The following ADAMTSL1 variants were observed in gnomAD, a reference collection of about 807,000 sequenced individuals.
The protein encoded by ADAMTSL1 is ADAMTS like 1.
Under a neutral mutation model 201.8 loss-of-function variants are expected in ADAMTSL1, and 126 were observed. The observed-to-expected ratio is 0.62, with a 90% CI of 0.54 to 0.72. The LOEUF (loss-of-function observed/expected upper bound fraction) is 0.72. Ranked by LOEUF, ADAMTSL1 falls within the 30% of genes least tolerant of loss-of-function variation. The pLI is 0.00. For missense variants in ADAMTSL1, 2,679 were observed against 2,277.8 expected (o/e 1.18, Z -3.59); for synonymous variants, 1,121 against 903.4 (o/e 1.24, Z -4.32).
At chr9:18,618,632 A>G (rs900477396) in intron 4 of ADAMTSL1, among the ~76,000 whole-genome samples, 1 of 151,426 alleles carries the variant, frequency 6.6e-6, no homozygotes, top group South Asian at 2.1e-4. Context: ...AGGAAACAGG[A>G]TCTTTCTCTC....
chr9:18,089,789 A>C (rs1823927846), intron 1 of ADAMTSL1, among the ~76,000 whole-genome samples: 1 of 152,214 alleles, frequency 6.6e-6, no homozygotes, highest in African/African-American at 2.4e-5. Context: ...TTGATAGAAT[A>C]TACTTTCAGT....
chr9:18,085,648 A>C (rs1384791210), intron 1 of ADAMTSL1, among the ~76,000 whole-genome samples: 1 of 145,796 alleles, frequency 6.9e-6, no homozygotes, highest in South Asian at 2.1e-4. Flanking sequence ...ATATATATAC[A>C]TATACTCTGT....
chr9:18,452,456 A>G (rs1411172049), intron 2 of ADAMTSL1, among the ~76,000 whole-genome samples: 1 of 152,162 alleles, frequency 6.6e-6, no homozygotes, highest in African/African-American at 2.4e-5. Context: ...CATTCATTCC[A>G]TTCCAATAGT....
intron 13 of ADAMTSL1, among the ~76,000 whole-genome samples, chr9:18,695,695 CA>C (rs1831509795): frequency 6.6e-6 from 1 of 152,182 alleles, no homozygotes; most frequent in African/African-American, 2.4e-5. Context: ...TAGGAAATTC[CA>C]AAGTTTCCCT....
At chr9:18,154,431 G>A (rs1827057076) in intron 1 of ADAMTSL1, among the ~76,000 whole-genome samples, 1 of 151,992 alleles carries the variant, frequency 6.6e-6, no homozygotes. Flanking sequence ...CACAGCTAGA[G>A]GCTGGGTTCA....
At chr9:18,596,907 G>A (rs1034060997) in intron 4 of ADAMTSL1, among the ~76,000 whole-genome samples, 1 of 152,290 alleles carries the variant, frequency 6.6e-6, no homozygotes, top group African/African-American at 2.4e-5. Context: ...AGGAACTCAT[G>A]TAAGTCCTTC....
rs1588093120 is a variant in ADAMTSL1, at chr9:18,777,967, C to T, written c.3677+61C>T. On this transcript the variant is annotated intron_variant, in intron 19 of 28. Transcript: ENST00000380548. ...GCAAGGGGCCACATCTGGCCCAAGT[C>T]ACACTACTTACACATTCTTCAAGGT... 4 of 1,508,808 alleles carry T rather than the reference C, an allele frequency of 2.7e-6. No homozygotes were observed. In the East Asian group the frequency reaches 6.9e-5, roughly 26 times the overall value. 93.5% of individuals were successfully genotyped at this position (1,508,808 alleles called of 1,614,324 possible).
At chr9:18,531,575 C>T (rs1819448825) in intron 2 of ADAMTSL1, among the ~76,000 whole-genome samples, 1 of 152,030 alleles carries the variant, frequency 6.6e-6, no homozygotes, top group Non-Finnish European at 1.5e-5. Flanking sequence ...GAATGGGACC[C>T]TTTCTATATT....
intron 1 of ADAMTSL1, among the ~76,000 whole-genome samples, chr9:18,160,346 G>A (rs896881350): frequency 3.9e-5 from 6 of 152,114 alleles, no homozygotes; most frequent in African/African-American, 1.4e-4. Flanking sequence ...CCCTATTCCT[G>A]CGAGTGAATA....
chr9:18,794,464 G>C (rs1309645911), intron 19 of ADAMTSL1, among the ~76,000 whole-genome samples: 1 of 150,746 alleles, frequency 6.6e-6, no homozygotes, highest in Non-Finnish European at 1.5e-5. Context: ...TGCCCCATAA[G>C]ATTTACAGCT....
chr9:18,566,062 A>C (rs1212791119), intron 3 of ADAMTSL1, among the ~76,000 whole-genome samples: 1 of 152,218 alleles, frequency 6.6e-6, no homozygotes, highest in Non-Finnish European at 1.5e-5. Context: ...CAGTCTGCCT[A>C]TTCAGAAACT....
chr9:18,734,816 A>G (rs940510652), intron 15 of ADAMTSL1, among the ~76,000 whole-genome samples: 2 of 152,130 alleles, frequency 1.3e-5, no homozygotes, highest in Non-Finnish European at 2.9e-5. Context: ...CAGAGTCCCA[A>G]TCCAGGCTTT....
At chr9:18,703,685 C>T (rs1353657992) in intron 13 of ADAMTSL1, among the ~76,000 whole-genome samples, 1 of 94,118 alleles carries the variant, frequency 1.1e-5, no homozygotes, top group Non-Finnish European at 2.3e-5. Context: ...AAATTACACA[C>T]GTGCATGCGC....
intron 4 of ADAMTSL1, among the ~76,000 whole-genome samples, chr9:18,579,331 G>T (rs1177102691): frequency 1.2e-4 from 16 of 133,204 alleles, no homozygotes; most frequent in African/African-American, 3.9e-4. Flanking sequence ...AATATCACAC[G>T]CTGGGGACTG....
intron 4 of ADAMTSL1, among the ~76,000 whole-genome samples, chr9:18,592,038 CCAA>C (rs1463852820): frequency 1.3e-5 from 2 of 152,196 alleles, no homozygotes; most frequent in African/African-American, 4.8e-5. Context: ...TTTCTGTTAA[CCAA>C]TGCCGGCTGC....
In ADAMTSL1 at chr9:18,886,185, TATATATATATATATATATATATATATAC is replaced by T. The variant is rs1563888125; in HGVS notation, c.4250-1644_4250-1617del. On this transcript the variant is annotated intron_variant, in intron 23 of 28. Transcript: ENST00000380548. ...GTATGTGTATATATATATATATATA[TATATATATATATATATATATATATATAC>T]ACACACATACATATACATACATACA... is the stretch of plus-strand genomic sequence containing the variant. Among the ~76,000 whole-genome samples, 24 of 127,064 alleles carry T rather than the reference TATATATATATATATATATATATATATAC, an allele frequency of 1.9e-4. No individual in the cohort carries two copies. The East Asian group carries it at 4.9e-3, about 26-fold the overall frequency. The allele number at this position is 127,064 out of a possible 152,430, so 83.4% of individuals were successfully genotyped here.
At chr9:18,132,348 C>T (rs941948301) in intron 1 of ADAMTSL1, among the ~76,000 whole-genome samples, 4 of 152,072 alleles carry the variant, frequency 2.6e-5, no homozygotes, top group African/African-American at 4.8e-5. Context: ...GAATCAGTGG[C>T]GTTAAGTACA....
At position 18,682,461 on chromosome 9, in the gene ADAMTSL1, A is replaced by G. The variant is rs144141380; in HGVS notation, c.1489+502A>G. On this transcript the variant is annotated intron_variant, in intron 12 of 28. Coordinates refer to ENST00000380548, the MANE Select transcript of ADAMTSL1 (RefSeq NM_001040272.6). ...GAATTCCAGAACCATAATTTAAAAT[A>G]TATCAGAATTTAAAAGATATTGCAA... is the stretch of plus-strand genomic sequence containing the variant. 1.5e-3 allele frequency among the ~76,000 whole-genome samples: 229 copies of G among 152,332 alleles called. 2 individuals carry two copies. Among genetic ancestry groups the G allele is most frequent in the African/African-American group, 5.1e-3 (212 of 41,580 alleles).
At chr9:18,448,372 G>T (rs1820277183) in intron 2 of ADAMTSL1, among the ~76,000 whole-genome samples, 3 of 152,128 alleles carry the variant, frequency 2.0e-5, no homozygotes, top group Non-Finnish European at 4.4e-5. Context: ...AAACTGAGAA[G>T]TTTGAAACTA....
Sources: gnomAD v4.1 joint callset for allele counts (sites outside exome capture counted in the v4.1 genomes callset) on GRCh38, gnomAD v4.1.1 for gene constraint, MANE v1.5 for transcripts, NCBI Gene and HGNC (gene_info 2026-07-23, HGNC 2026-07-21) for gene names.